ANKFN1: variants seen among roughly 807,000 people sequenced by gnomAD.
ANKFN1 encodes the protein ankyrin repeat and fibronectin type-III domain-containing protein 1.
In ANKFN1, 74 loss-of-function variants were observed where a neutral mutation model predicts 108.7. That is an observed-to-expected ratio of 0.68 (90% confidence interval 0.56 to 0.83). The LOEUF (loss-of-function observed/expected upper bound fraction) is 0.83. Among genes scored for constraint, ANKFN1 ranks in the 40% least tolerant of loss-of-function variants. The pLI, the probability that ANKFN1 is intolerant of heterozygous loss-of-function variation, is 0.00. For missense variants in ANKFN1, 1,505 were observed against 1,382.3 expected (o/e 1.09, Z -1.41); for synonymous variants, 547 against 516.2 (o/e 1.06, Z -0.81).
chr17:56,077,952 C>T (rs77627197), intron 4 of ANKFN1, among the ~76,000 whole-genome samples: 1,879 of 152,250 alleles, frequency 0.012, 29 homozygotes, highest in African/African-American at 0.043. Flanking sequence ...TTTGTTATCT[C>T]TATTTCATGG....
rs191164158 is a variant in ANKFN1 at position 56,349,483 on chromosome 17, A to G, written c.189-1283A>G. ...AGGCGAATCAAAGTTAGTTTGTGCT[A>G]GCAGACATGGAACCCAGTTCAAAGG... On this transcript the variant is annotated intron_variant, in intron 4 of 20. Coordinates refer to ENST00000682825, the MANE Select transcript of ANKFN1 (RefSeq NM_001370326.1). Among the ~76,000 whole-genome samples, 50 of 152,200 alleles carry G rather than the reference A, an allele frequency of 3.3e-4. No individual in the cohort carries two copies. The East Asian group carries it at 9.1e-3, about 28-fold the overall frequency.
At chr17:56,458,003 G>T (rs2049772923) in intron 14 of ANKFN1, 24 bp downstream of exon 14, 2 of 1,585,046 alleles carry the variant, frequency 1.3e-6, no homozygotes, top group Non-Finnish European at 1.7e-6. Context: ...TTTCAACCCA[G>T]GCCCCCAAGG....
chr17:56,467,008 T>C (rs1279988932), intron 15 of ANKFN1, among the ~76,000 whole-genome samples: 2 of 152,034 alleles, frequency 1.3e-5, no homozygotes, highest in African/African-American at 2.4e-5. Flanking sequence ...TCTCAGCTGC[T>C]TGGGGGGCTG....
intron 14 of ANKFN1, among the ~76,000 whole-genome samples, chr17:56,464,961 A>G: frequency 6.6e-6 from 1 of 152,216 alleles, no homozygotes; most frequent in East Asian, 1.9e-4. Flanking sequence ...CTGGCCCGAG[A>G]GAGCCAACTG....
chr17:56,364,084 G>A (rs1475225289), intron 6 of ANKFN1, among the ~76,000 whole-genome samples: 1 of 151,986 alleles, frequency 6.6e-6, no homozygotes, highest in Non-Finnish European at 1.5e-5. Context: ...AATTCCAAAT[G>A]TTCTCACCAC....
At chr17:56,092,129 A>G (rs1905431171) in intron 4 of ANKFN1, among the ~76,000 whole-genome samples, 1 of 151,420 alleles carries the variant, frequency 6.6e-6, no homozygotes, top group African/African-American at 2.4e-5. Context: ...GGGCAGCTGG[A>G]AAAAAGGGTT....
intron 2 of ANKFN1, among the ~76,000 whole-genome samples, chr17:56,220,954 G>A (rs979260349): frequency 2.0e-5 from 3 of 151,906 alleles, no homozygotes; most frequent in African/African-American, 7.3e-5. Context: ...ACAGACCTGA[G>A]ACTGGGTAAT....
intron 8 of ANKFN1, among the ~76,000 whole-genome samples, chr17:56,411,642 A>T (rs1417876853): frequency 6.6e-6 from 1 of 152,094 alleles, no homozygotes; most frequent in Non-Finnish European, 1.5e-5. Flanking sequence ...TATGGTCTTT[A>T]TTGTATTGAG....
At chr17:56,105,750 G>T (rs1905740215) in intron 4 of ANKFN1, among the ~76,000 whole-genome samples, 2 of 128,224 alleles carry the variant, frequency 1.6e-5, no homozygotes, top group Admixed American at 7.9e-5. Context: ...TATGAGACAG[G>T]GAGAGAGGGA....
At chr17:56,414,326 C>T (rs1244303929) in intron 8 of ANKFN1, among the ~76,000 whole-genome samples, 1 of 152,134 alleles carries the variant, frequency 6.6e-6, no homozygotes, top group Non-Finnish European at 1.5e-5. Context: ...AAATACAAAG[C>T]ATACTCAAAC....
In ANKFN1 at chr17:56,499,671, G is replaced by T. The variant is rs548724649; in HGVS notation, c.2644+573G>T. Among the ~76,000 whole-genome samples, 12 of 152,212 alleles carry T rather than the reference G, an allele frequency of 7.9e-5. No homozygotes were observed. The East Asian group carries it at 2.3e-3, about 29-fold the overall frequency. The stretch of plus-strand genomic sequence containing the variant: ...AGCTTGGCCTCATCATGGACATAAT[G>T]AACTTTAAACAAGCTGGAGAAGATA... On this transcript the variant is annotated intron_variant, in intron 20 of 20. Coordinates refer to ENST00000682825, the MANE Select transcript of ANKFN1 (RefSeq NM_001370326.1).
chr17:56,378,625 T>C (rs2047004697), intron 8 of ANKFN1, among the ~76,000 whole-genome samples: 1 of 152,302 alleles, frequency 6.6e-6, no homozygotes, highest in South Asian at 2.1e-4. Context: ...CAAAAGTATT[T>C]ATAACTTTCT....
intron 4 of ANKFN1, among the ~76,000 whole-genome samples, chr17:56,329,056 A>G (rs1004895034): frequency 4.6e-5 from 7 of 151,942 alleles, no homozygotes; most frequent in Non-Finnish European, 1.0e-4. Flanking sequence ...CTTTCCAGCA[A>G]TCCTCTAGCT....
At chr17:56,270,536 T>C (rs941033325) in intron 3 of ANKFN1, among the ~76,000 whole-genome samples, 1 of 152,192 alleles carries the variant, frequency 6.6e-6, no homozygotes, top group Non-Finnish European at 1.5e-5. Flanking sequence ...TCCTAGTTGG[T>C]GGCTCTGCGT....
At chr17:56,188,192 C>G (rs923070999) in intron 1 of ANKFN1, among the ~76,000 whole-genome samples, 1 of 152,116 alleles carries the variant, frequency 6.6e-6, no homozygotes, top group Non-Finnish European at 1.5e-5. Flanking sequence ...CTTTTTCTAT[C>G]TATATTAATG....
At chr17:56,374,574 A>C (rs759972849) in intron 7 of ANKFN1, 27 bp from the exon 8 acceptor site, 1 of 1,531,226 alleles carries the variant, frequency 6.5e-7, no homozygotes, top group South Asian at 1.1e-5. Flanking sequence ...CTATGTTAAG[A>C]TCCTTGTGTT....
intron 15 of ANKFN1, among the ~76,000 whole-genome samples, chr17:56,467,701 AAAAG>A (rs2050124156): frequency 2.0e-5 from 3 of 149,982 alleles, no homozygotes; most frequent in East Asian, 1.9e-4. Flanking sequence ...GAAAGAAAAG[AAAAG>A]AAAGAGAGAG....
chr17:56,054,599 A>G (rs1236015063), intron 4 of ANKFN1, among the ~76,000 whole-genome samples: 3 of 152,234 alleles, frequency 2.0e-5, no homozygotes, highest in Non-Finnish European at 2.9e-5. Flanking sequence ...AAATCAATGT[A>G]TATACCTGAA....
intron 4 of ANKFN1, among the ~76,000 whole-genome samples, chr17:56,341,392 G>A (rs570641213): frequency 1.3e-5 from 2 of 152,120 alleles, no homozygotes; most frequent in African/African-American, 4.8e-5. Flanking sequence ...CGGTTTTCAA[G>A]GGGAATGCTT....
Sources: allele counts gnomAD v4.1 joint callset (sites outside exome capture counted in the v4.1 genomes callset), GRCh38; gene constraint gnomAD v4.1.1; transcripts MANE v1.5; gene names NCBI Gene and HGNC (gene_info 2026-07-23, HGNC 2026-07-21).